Variants in GGT5 observed in about 807,000 individuals in gnomAD.
The protein encoded by GGT5 is gamma-glutamyltransferase 5, also known as glutathione hydrolase 5 proenzyme.
In GGT5, 50 loss-of-function variants were observed where a neutral mutation model predicts 58.1. The ratio of observed to expected loss-of-function variants is 0.86; its 90% CI spans 0.69 to 1.09. The LOEUF is 1.09. GGT5 is among the 50% of genes least tolerant of loss of function. The probability of loss-of-function intolerance (pLI) is 0.00; values close to 1 mark genes in which losing one functional copy is unlikely to be tolerated. For synonymous variants in GGT5, 370 were observed against 346.1 expected, an observed-to-expected ratio of 1.07 and a Z score of -0.77; for missense variants, 800 against 789.4, an observed-to-expected ratio of 1.01 and a Z score of -0.16.
At chr22:24,225,699 C>T (rs374036306) in intron 8 of GGT5, 47 bp from the exon 9 acceptor site, 2 of 1,092,610 alleles carry the variant, frequency 1.8e-6, no homozygotes, top group African/African-American at 1.5e-5. Flanking sequence ...CCGGGGCTCC[C>T]ACCAGACACC....
At chr22:24,238,034 C>A (rs922841379) in intron 1 of GGT5, among the ~76,000 whole-genome samples, 1 of 150,196 alleles carries the variant, frequency 6.7e-6, no homozygotes, top group Non-Finnish European at 1.5e-5. Flanking sequence ...TCGAGACCAG[C>A]CTGGCCAACG....
In GGT5 at chr22:24,232,928, T is replaced by C. The variant is rs372751517; in HGVS notation, c.491A>G (p.Gln164Arg). 9 of 1,575,238 alleles carry C rather than the reference T, an allele frequency of 5.7e-6. No homozygotes were observed. The African/African-American group carries it at 1.2e-4, about 21-fold the overall frequency. The change falls in exon 4 of 12, where the codon CAG becomes CGG. Residue 164 changes from glutamine to arginine, a missense_variant. Physicochemically the swap from Gln to Arg is conservative, Grantham distance 43. Coordinates refer to ENST00000327365, the MANE Select transcript of GGT5 (RefSeq NM_004121.5). ...CCCTCGGAGCAGCGCGATGGTGGGCTGGAACAGCTGCGCCCAGGGCAGGCG... is the reference window on the plus strand; with the variant it reads ...CCCTCGGAGCAGCGCGATGGTGGGCCGGAACAGCTGCGCCCAGGGCAGGCG... ...HGRLPWAQLFQPTIALLRGGH... is the reference protein window; with the variant it reads ...HGRLPWAQLFRPTIALLRGGH...
chr22:24,231,341 C>A (rs12159878), intron 6 of GGT5, 43 bp downstream of exon 6: 2 of 1,047,112 alleles, frequency 1.9e-6, no homozygotes, highest in South Asian at 2.0e-5. Flanking sequence ...GCCGGGGGTG[C>A]GGGGGAGGGG....
At chr22:24,234,357 A>C (rs542543132) in intron 1 of GGT5, among the ~76,000 whole-genome samples, 2 of 152,302 alleles carry the variant, frequency 1.3e-5, no homozygotes, top group African/African-American at 4.8e-5. Flanking sequence ...CAGTGGCCTC[A>C]GGAGCCCACC....
At chr22:24,239,777 G>A (rs2048279250) in intron 1 of GGT5, among the ~76,000 whole-genome samples, 1 of 151,996 alleles carries the variant, frequency 6.6e-6, no homozygotes, top group Non-Finnish European at 1.5e-5. Flanking sequence ...TGACTAGGAA[G>A]AGGATAGAAG....
Position 24,234,015 on chromosome 22 carries a change from T to G in GGT5, c.174-11A>C, listed in dbSNP as rs1434155694. 1.9e-6 allele frequency: 3 copies of G among 1,597,938 alleles called. No homozygotes were observed. Among genetic ancestry groups the G allele is most frequent in the African/African-American group, 1.3e-5 (1 of 74,352 alleles). The stretch of plus-strand genomic sequence containing the variant: ...TGCTGGAGGATGGCTCTAGGGGACA[T>G]GGCACAGAGTCGCTGTGGGGCTCCC... On this transcript the variant is annotated splice_polypyrimidine_tract_variant and intron_variant, in intron 1 of 11. Transcript: ENST00000327365.
Position 24,238,919 on chromosome 22 carries a change from ATATATAATATATATTATATAATATATAT to A in GGT5, c.174-4943_174-4916del, listed in dbSNP as rs1569372547. ...TATATATATATATTATATATATTAT[ATATATAATATATATTATATAATATATAT>A]ATATATATATAATATATATATAGCC... On this transcript the variant is annotated intron_variant, in intron 1 of 11. Coordinates refer to ENST00000327365, the MANE Select transcript of GGT5 (RefSeq NM_004121.5). Among the ~76,000 whole-genome samples the A allele has an allele frequency of 2.0e-3, 47 of 23,100 alleles. 2 individuals carry two copies. Among genetic ancestry groups the A allele is most frequent in the Middle Eastern group, 0.019 (1 of 54 alleles). 15.2% of individuals were successfully genotyped at this position (23,100 alleles called of 152,430 possible). A position where few individuals can be genotyped will look rare whatever the true frequency, so the allele number is the denominator to read the frequency against.
In GGT5 at chr22:24,238,779, A is replaced by T. The variant is rs8141917; in HGVS notation, c.174-4775T>A. Among the ~76,000 whole-genome samples, 19 of 24,256 alleles carry T rather than the reference A, an allele frequency of 7.8e-4. 1 individual carries two copies. Among genetic ancestry groups the T allele is most frequent in the African/African-American group, 1.5e-3 (6 of 4,126 alleles). 15.9% of individuals were successfully genotyped at this position (24,256 alleles called of 152,430 possible). A position where few individuals can be genotyped will look rare whatever the true frequency, so the allele number is the denominator to read the frequency against. Reference sequence around the variant, plus strand: ...ATATGGAATATATATATATATATATAATATATATTATATATTTATATATAT... The same window carrying T: ...ATATGGAATATATATATATATATATTATATATATTATATATTTATATATAT... On this transcript the variant is annotated intron_variant, in intron 1 of 11. Transcript: ENST00000327365.
rs1273239063 is a variant in GGT5 at position 24,228,048 on chromosome 22, C to CAAAAA, written c.902-1286_902-1282dup. On this transcript the variant is annotated intron_variant, in intron 6 of 11. Transcript: ENST00000327365. ...TAGTAAACAGAGCAAGACTCTGTCT[C>CAAAAA]AAAAAAAAAAAAAAAAAACAAAACA... 3.8e-3 allele frequency among the ~76,000 whole-genome samples: 80 copies of CAAAAA among 21,052 alleles called. 5 individuals carry two copies. Among genetic ancestry groups the CAAAAA allele is most frequent in the African/African-American group, 4.9e-3 (32 of 6,548 alleles). 13.8% of individuals were successfully genotyped at this position (21,052 alleles called of 152,430 possible). A position where few individuals can be genotyped will look rare whatever the true frequency, so the allele number is the denominator to read the frequency against.
In GGT5 at chr22:24,244,328, T is replaced by C. The variant is rs1196623115; in HGVS notation, c.173+225A>G. The stretch of plus-strand genomic sequence containing the variant: ...ACACACACACACACCCACCCACACA[T>C]ACACATACCCACACACAATCACACA... On this transcript the variant is annotated intron_variant, in intron 1 of 11. Transcript: ENST00000327365. 944 of 512,754 alleles carry C rather than the reference T, an allele frequency of 1.8e-3. 2 individuals are homozygous for C. The highest frequency in any genetic ancestry group is 4.5e-3 in the Admixed American group (135 of 30,052). The allele number at this position is 512,754 out of a possible 1,614,324, so 31.8% of individuals were successfully genotyped here. A position where few individuals can be genotyped will look rare whatever the true frequency, so the allele number is the denominator to read the frequency against.
chr22:24,228,401 C>G (rs2047839674), intron 6 of GGT5, among the ~76,000 whole-genome samples: 1 of 151,380 alleles, frequency 6.6e-6, no homozygotes, highest in Admixed American at 6.6e-5. Context: ...CCAGTGCCAC[C>G]CTTATCACTT....
In GGT5 at chr22:24,219,902, C is replaced by T; in HGVS notation, c.*68G>A. ...GATCCTGCCAGAGTAGTTGGTCCCCCAGCCATGTCCGGCCTGGACACAGGA... is the reference window on the plus strand; with the variant it reads ...GATCCTGCCAGAGTAGTTGGTCCCCTAGCCATGTCCGGCCTGGACACAGGA... On this transcript the variant is annotated 3_prime_UTR_variant, in exon 12 of 12. Transcript: ENST00000327365. 1.3e-6 allele frequency: 2 copies of T among 1,515,800 alleles called. No homozygotes were observed. The allele number at this position is 1,515,800 out of a possible 1,614,324, so 93.9% of individuals were successfully genotyped here. A position where few individuals can be genotyped will look rare whatever the true frequency, so the allele number is the denominator to read the frequency against.
intron 1 of GGT5, chr22:24,242,063 C>T (rs7289030): frequency 0.063 from 9,601 of 152,020 alleles, 1,025 homozygotes; most frequent in African/African-American, 0.22. Context: ...ATGATCCACC[C>T]GCCTCAGCCT....
chr22:24,225,679 G>C, intron 8 of GGT5, 27 bp from the exon 9 acceptor site: 2 of 1,436,776 alleles, frequency 1.4e-6, no homozygotes, highest in Non-Finnish European at 2.0e-6. Flanking sequence ...AGAAGAGCCT[G>C]GGCTAGGACC....
intron 4 of GGT5, 70 bp downstream of exon 4, chr22:24,232,751 TGG>T: frequency 9.5e-7 from 1 of 1,054,460 alleles, no homozygotes; most frequent in Non-Finnish European, 1.3e-6. Context: ...GAGGCAGAGC[TGG>T]GGTGTGGACT....
intron 7 of GGT5, 111 bp from the exon 8 acceptor site, chr22:24,226,377 C>T (rs2047766554): frequency 3.4e-6 from 3 of 880,074 alleles, no homozygotes; most frequent in South Asian, 3.3e-5. Flanking sequence ...CTGTCCTCTA[C>T]CTTGTGGCCA....
At chr22:24,239,457 G>A (rs1226509501) in intron 1 of GGT5, among the ~76,000 whole-genome samples, 1 of 152,094 alleles carries the variant, frequency 6.6e-6, no homozygotes, top group Non-Finnish European at 1.5e-5. Flanking sequence ...AAAACATACT[G>A]AAATATGTAT....
chr22:24,223,925 G>A (rs571178410), intron 11 of GGT5, among the ~76,000 whole-genome samples: 23 of 151,890 alleles, frequency 1.5e-4, no homozygotes, highest in Admixed American at 7.2e-4. Flanking sequence ...ACCACGCCTG[G>A]CTAATTTTTG....
Position 24,219,668 on chromosome 22 carries a change from G to C in GGT5, c.*302C>G. On this transcript the variant is annotated 3_prime_UTR_variant, in exon 12 of 12. Transcript: ENST00000327365. ...GAACCATGGAATCAGGCCACAGTCC[G>C]CCTCTTTAATCTTGGACTGGAGGAT... The C allele has an allele frequency of 3.1e-6, 1 of 326,926 alleles. No individual in the cohort carries two copies. The highest frequency in any genetic ancestry group is 4.4e-5 in the Admixed American group (1 of 22,680). 20.3% of individuals were successfully genotyped at this position (326,926 alleles called of 1,614,324 possible).
Sources: gnomAD v4.1 joint callset for allele counts (sites outside exome capture counted in the v4.1 genomes callset) on GRCh38, gnomAD v4.1.1 for gene constraint, MANE v1.5 for transcripts, NCBI Gene and HGNC (gene_info 2026-07-23, HGNC 2026-07-21) for gene names.